Variants in KCNH5 observed in about 807,000 individuals in gnomAD.
The protein encoded by KCNH5 is voltage-gated delayed rectifier potassium channel KCNH5.
Under a neutral mutation model 96.1 loss-of-function variants are expected in KCNH5, and 46 were observed. The observed-to-expected ratio is 0.48, with a 90% CI of 0.38 to 0.61. The LOEUF (loss-of-function observed/expected upper bound fraction) is 0.61. KCNH5 is among the 20% of genes least tolerant of loss of function. KCNH5 has a pLI of 0.00. For missense variants in KCNH5, 907 were observed against 1,225.8 expected, an observed-to-expected ratio of 0.74 and a Z score of 3.88; for synonymous variants, 439 against 449.8, an observed-to-expected ratio of 0.98 and a Z score of 0.30.
intron 4 of KCNH5, among the ~76,000 whole-genome samples, chr14:62,992,317 A>ATTTAT (rs1890824867): frequency 6.6e-6 from 1 of 152,010 alleles, no homozygotes; most frequent in South Asian, 2.1e-4. Flanking sequence ...TTGTGTAAAG[A>ATTTAT]TTTATTTTCT....
chr14:62,780,914 G>C (rs1310584347), intron 9 of KCNH5, among the ~76,000 whole-genome samples: 2 of 152,112 alleles, frequency 1.3e-5, no homozygotes, highest in African/African-American at 2.4e-5. Flanking sequence ...TCTTCCTAGA[G>C]GCACTCTGTT....
intron 8 of KCNH5, among the ~76,000 whole-genome samples, chr14:62,838,732 T>A (rs543072925): frequency 5.3e-5 from 8 of 152,270 alleles, no homozygotes; most frequent in African/African-American, 1.7e-4. Flanking sequence ...AATCCAAGTT[T>A]CCCTGTGTGT....
chr14:62,913,176 G>T (rs998743367), intron 7 of KCNH5, among the ~76,000 whole-genome samples: 11 of 152,230 alleles, frequency 7.2e-5, no homozygotes, highest in Middle Eastern at 3.4e-3. Flanking sequence ...TATAAAATTA[G>T]CCAGGAATAA....
intron 4 of KCNH5, among the ~76,000 whole-genome samples, chr14:62,998,548 T>C (rs1036972531): frequency 6.6e-6 from 1 of 152,182 alleles, no homozygotes; most frequent in Non-Finnish European, 1.5e-5. Flanking sequence ...GAATCTTAGA[T>C]TATTGATTTT....
chr14:63,040,524 A>G (rs1027593525), intron 1 of KCNH5, among the ~76,000 whole-genome samples: 3 of 152,234 alleles, frequency 2.0e-5, no homozygotes, highest in Admixed American at 2.0e-4. Context: ...AGTGCTTCAA[A>G]AACACTGTGT....
chr14:63,025,969 A>G (rs112357170), intron 1 of KCNH5, among the ~76,000 whole-genome samples: 9 of 152,004 alleles, frequency 5.9e-5, no homozygotes, highest in African/African-American at 1.9e-4. Flanking sequence ...AAAATCTACT[A>G]CAAAGTTATA....
At chr14:62,806,808 A>T (rs1043380201) in intron 8 of KCNH5, among the ~76,000 whole-genome samples, 2 of 152,154 alleles carry the variant, frequency 1.3e-5, no homozygotes, top group Non-Finnish European at 2.9e-5. Context: ...AGTCCCTCTC[A>T]GCTAAGAACA....
intron 8 of KCNH5, among the ~76,000 whole-genome samples, chr14:62,830,257 T>C (rs1349351517): frequency 6.6e-6 from 1 of 152,170 alleles, no homozygotes; most frequent in African/African-American, 2.4e-5. Flanking sequence ...CTTCCTGTCT[T>C]CTTCTGAGCC....
At chr14:62,777,754 C>T (rs530521341) in intron 10 of KCNH5, among the ~76,000 whole-genome samples, 1 of 152,286 alleles carries the variant, frequency 6.6e-6, no homozygotes, top group African/African-American at 2.4e-5. Flanking sequence ...GTTGAAAAAC[C>T]AACAACAGTT....
chr14:63,039,409 A>G (rs571849353), intron 1 of KCNH5, among the ~76,000 whole-genome samples: 2 of 152,234 alleles, frequency 1.3e-5, no homozygotes, highest in African/African-American at 4.8e-5. Context: ...CTGAGGAAGT[A>G]ACTATAAATC....
intron 6 of KCNH5, among the ~76,000 whole-genome samples, chr14:62,957,443 C>T (rs908500287): frequency 2.0e-5 from 3 of 152,210 alleles, no homozygotes; most frequent in African/African-American, 7.2e-5. Flanking sequence ...TGCACCTACA[C>T]TTTGCATTCT....
At chr14:62,765,744 A>G (rs1885846004) in intron 10 of KCNH5, among the ~76,000 whole-genome samples, 1 of 152,208 alleles carries the variant, frequency 6.6e-6, no homozygotes. Flanking sequence ...AAATACTACA[A>G]GAAAATACTG....
chr14:62,703,448 T>A lies in KCNH5; in HGVS notation c.*4060A>T, dbSNP rs1884378145. 1 of 151,914 alleles carries A rather than the reference T, an allele frequency of 6.6e-6. No individual in the cohort carries two copies. Among genetic ancestry groups the A allele is most frequent in the Non-Finnish European group, 1.5e-5 (1 of 67,804 alleles). 9.4% of individuals were successfully genotyped at this position (151,914 alleles called of 1,614,324 possible). Reference sequence around the variant, plus strand: ...ACCTGCAAGAAAGATAATTTTTTCATTGACCAATAGCATGTTGATATAAGG... The same window carrying A: ...ACCTGCAAGAAAGATAATTTTTTCAATGACCAATAGCATGTTGATATAAGG... On this transcript the variant is annotated 3_prime_UTR_variant, in exon 11 of 11. Transcript: ENST00000322893.
intron 1 of KCNH5, among the ~76,000 whole-genome samples, chr14:63,022,333 A>G (rs930101762): frequency 6.6e-6 from 1 of 151,550 alleles, no homozygotes; most frequent in Non-Finnish European, 1.5e-5. Flanking sequence ...TCATCACCCA[A>G]CTCCAGCCCT....
At chr14:62,944,198 C>T (rs138126943) in intron 7 of KCNH5, among the ~76,000 whole-genome samples, 37 of 152,176 alleles carry the variant, frequency 2.4e-4, no homozygotes, top group African/African-American at 6.3e-4. Context: ...ACCTAGGAAT[C>T]GGGATTGTTG....
intron 7 of KCNH5, among the ~76,000 whole-genome samples, chr14:62,898,616 T>A (rs1159562446): frequency 6.6e-6 from 1 of 152,062 alleles, no homozygotes; most frequent in Non-Finnish European, 1.5e-5. Flanking sequence ...TTACAAGAGA[T>A]TCAAAAGAGT....
At chr14:62,866,809 C>T (rs1167261744) in intron 7 of KCNH5, among the ~76,000 whole-genome samples, 1 of 152,040 alleles carries the variant, frequency 6.6e-6, no homozygotes, top group African/African-American at 2.4e-5. Context: ...GGTCACTTCT[C>T]CTCATCCACA....
At chr14:62,920,508 T>C (rs1186862529) in intron 7 of KCNH5, among the ~76,000 whole-genome samples, 1 of 152,048 alleles carries the variant, frequency 6.6e-6, no homozygotes, top group Non-Finnish European at 1.5e-5. Context: ...ACCTCCAGTG[T>C]GATGCCCTGC....
intron 2 of KCNH5, among the ~76,000 whole-genome samples, chr14:63,015,591 AATTG>A (rs1277461644): frequency 6.6e-6 from 1 of 151,970 alleles, no homozygotes; most frequent in Admixed American, 6.6e-5. Context: ...TTATTGAATG[AATTG>A]ATTAATTCAC....
Sources: gnomAD v4.1 joint callset for allele counts (sites outside exome capture counted in the v4.1 genomes callset) on GRCh38, gnomAD v4.1.1 for gene constraint, MANE v1.5 for transcripts, NCBI Gene and HGNC (gene_info 2026-07-23, HGNC 2026-07-21) for gene names.